The following MEIKIN variants were observed in gnomAD, a reference collection of about 807,000 sequenced individuals.
MEIKIN encodes meiosis-specific kinetochore protein.
intron 8 of MEIKIN, among the ~76,000 whole-genome samples, chr5:131,885,339 GAA>G (rs1346365385): frequency 9.4e-6 from 1 of 106,914 alleles, no homozygotes; most frequent in Non-Finnish European, 1.8e-5. Flanking sequence ...ACTCAGAACT[GAA>G]AGAGAGAGAG....
At chr5:131,888,888 T>A (rs1249866763) in intron 8 of MEIKIN, among the ~76,000 whole-genome samples, 4 of 152,214 alleles carry the variant, frequency 2.6e-5, no homozygotes, top group Non-Finnish European at 5.9e-5. Context: ...AATTTTTGTA[T>A]AAGGTGTAAG....
rs550410706 is a variant in MEIKIN at position 131,821,385 on chromosome 5, G to A, written c.976-2522C>T. ...GCTTGACATTGTTTCAATGTTTTGA[G>A]TGTTTTAAGACTCATTTTGTGACCC... On this transcript the variant is annotated intron_variant, in intron 11 of 12. Coordinates refer to ENST00000442687, the MANE Select transcript of MEIKIN (RefSeq NM_001303622.2). Among the ~76,000 whole-genome samples the A allele has an allele frequency of 1.1e-4, 16 of 152,200 alleles. No homozygotes were observed. The South Asian group carries it at 3.3e-3, about 32-fold the overall frequency.
chr5:131,912,837 T>C (rs1751351700), intron 7 of MEIKIN, among the ~76,000 whole-genome samples: 1 of 152,174 alleles, frequency 6.6e-6, no homozygotes, highest in African/African-American at 2.4e-5. Context: ...TTTTTCCTTT[T>C]CTCAGCTTGG....
intron 11 of MEIKIN, among the ~76,000 whole-genome samples, chr5:131,839,351 G>A (rs1226101606): frequency 6.6e-6 from 1 of 152,136 alleles, no homozygotes; most frequent in African/African-American, 2.4e-5. Context: ...GGAGTGTTCT[G>A]TAGATGCCTA....
At position 131,893,637 on chromosome 5, in the gene MEIKIN, G is replaced by A. The variant is rs535262609; in HGVS notation, c.704-14589C>T. Among the ~76,000 whole-genome samples, 246 of 152,298 alleles carry A rather than the reference G, an allele frequency of 1.6e-3. 1 individual carries two copies. Among genetic ancestry groups the A allele is most frequent in the African/African-American group, 4.8e-3 (201 of 41,568 alleles). On this transcript the variant is annotated intron_variant, in intron 8 of 12. Transcript: ENST00000442687. ...CAGCACTCCCCAGTGAGATGAACCC[G>A]GTACCTCAATTGGAAATGGAGAAAT...
At chr5:131,825,850 G>T (rs1390789898) in intron 11 of MEIKIN, among the ~76,000 whole-genome samples, 1 of 152,082 alleles carries the variant, frequency 6.6e-6, no homozygotes, top group Non-Finnish European at 1.5e-5. Flanking sequence ...TACATACAAG[G>T]CAATGACAAT....
At chr5:131,863,058 G>A (rs1409314156) in intron 9 of MEIKIN, among the ~76,000 whole-genome samples, 1 of 152,034 alleles carries the variant, frequency 6.6e-6, no homozygotes, top group East Asian at 1.9e-4. Flanking sequence ...TGATCATTCA[G>A]CGGCATCTTG....
intron 9 of MEIKIN, among the ~76,000 whole-genome samples, chr5:131,872,668 A>C (rs1169364904): frequency 6.6e-6 from 1 of 152,214 alleles, no homozygotes; most frequent in East Asian, 1.9e-4. Context: ...ATACTCCTCG[A>C]GAAGAGCAAC....
intron 8 of MEIKIN, among the ~76,000 whole-genome samples, chr5:131,885,228 C>T (rs540187012): frequency 6.6e-6 from 1 of 152,110 alleles, no homozygotes; most frequent in Non-Finnish European, 1.5e-5. Context: ...TTGGGTGAGA[C>T]CCAGTGCTGT....
chr5:131,828,539 AAGAT>A (rs1029022958), intron 11 of MEIKIN, among the ~76,000 whole-genome samples: 1 of 152,170 alleles, frequency 6.6e-6, no homozygotes, highest in Non-Finnish European at 1.5e-5. Context: ...TTTTTAGAAG[AAGAT>A]AGGAAGCTAA....
Position 131,945,529 on chromosome 5 carries a change from C to T in MEIKIN, c.-24G>A. 2.5e-6 allele frequency: 1 copy of T among 399,990 alleles called. No individual in the cohort carries two copies. Among genetic ancestry groups the T allele is most frequent in the Non-Finnish European group, 4.4e-6 (1 of 226,184 alleles). 24.8% of individuals were successfully genotyped at this position (399,990 alleles called of 1,614,324 possible). On this transcript the variant is annotated 5_prime_UTR_variant, in exon 1 of 13. Coordinates refer to ENST00000442687, the MANE Select transcript of MEIKIN (RefSeq NM_001303622.2). ...ATTGCTATCCCACCCTACCCCCAGG[C>T]CACGGGTGCCTCTGGACTCTCGATG... is the stretch of plus-strand genomic sequence containing the variant.
chr5:131,823,258 A>G (rs1348508407), intron 11 of MEIKIN, among the ~76,000 whole-genome samples: 2 of 152,008 alleles, frequency 1.3e-5, no homozygotes, highest in East Asian at 1.9e-4. Flanking sequence ...CTCTGTTATT[A>G]TCCCTTTAAA....
chr5:131,901,656 G>C (rs1441612290), intron 8 of MEIKIN, among the ~76,000 whole-genome samples: 1 of 152,082 alleles, frequency 6.6e-6, no homozygotes, highest in Non-Finnish European at 1.5e-5. Flanking sequence ...TCACCTCAAG[G>C]GGCCAGAGAA....
In MEIKIN at chr5:131,879,033, T is replaced by C; in HGVS notation, c.719A>G (p.Glu240Gly). The change falls in exon 9 of 13, where the codon GAG (glutamate) becomes GGG (glycine). Residue 240 changes from glutamate to glycine, a missense_variant. Physicochemically the swap from Glu to Gly is moderately conservative, Grantham distance 98. Coordinates refer to ENST00000442687, the MANE Select transcript of MEIKIN (RefSeq NM_001303622.2). ...SNSESDNAAC[E>G]ILLAEKTCPS... ...GCAAGTTTTCTCAGCAAGTAAAATCTCACAAGCTGCATTATCTATAAATAA... is the reference window on the plus strand; with the variant it reads ...GCAAGTTTTCTCAGCAAGTAAAATCCCACAAGCTGCATTATCTATAAATAA... 1 of 398,672 alleles carries C rather than the reference T, an allele frequency of 2.5e-6. No individual in the cohort carries two copies. Among genetic ancestry groups the C allele is most frequent in the Non-Finnish European group, 4.4e-6 (1 of 225,872 alleles). The allele number at this position is 398,672 out of a possible 1,614,324, so 24.7% of individuals were successfully genotyped here.
At chr5:131,929,052 G>A (rs1040349795) in intron 5 of MEIKIN, among the ~76,000 whole-genome samples, 3 of 152,076 alleles carry the variant, frequency 2.0e-5, no homozygotes, top group Admixed American at 1.3e-4. Flanking sequence ...CTCCATTTTT[G>A]AAAGACAGTT....
At chr5:131,840,337 C>T (rs1749882838) in intron 11 of MEIKIN, among the ~76,000 whole-genome samples, 4 of 152,076 alleles carry the variant, frequency 2.6e-5, no homozygotes, top group African/African-American at 9.7e-5. Flanking sequence ...GATTATGTAT[C>T]TTAGGGATAT....
intron 8 of MEIKIN, among the ~76,000 whole-genome samples, chr5:131,889,461 C>T (rs1242768160): frequency 2.0e-5 from 3 of 152,140 alleles, no homozygotes; most frequent in African/African-American, 7.2e-5. Flanking sequence ...GTATTTTATT[C>T]TCTTTGAAGC....
At chr5:131,927,438 C>T (rs567216782) in intron 5 of MEIKIN, among the ~76,000 whole-genome samples, 1 of 152,140 alleles carries the variant, frequency 6.6e-6, no homozygotes, top group Non-Finnish European at 1.5e-5. Context: ...ATATATTCTG[C>T]CACTGTCAGG....
In MEIKIN at chr5:131,827,360, A is replaced by C. The variant is rs561677969; in HGVS notation, c.976-8497T>G. Among the ~76,000 whole-genome samples, 13 of 152,322 alleles carry C rather than the reference A, an allele frequency of 8.5e-5. No individual in the cohort carries two copies. In the South Asian group the frequency reaches 1.0e-3, roughly 12 times the overall value. The stretch of plus-strand genomic sequence containing the variant: ...ATACAAAAAAAACTGGATGAAAGGA[A>C]ATAATAATTATGATCACAGAAATAA... On this transcript the variant is annotated intron_variant, in intron 11 of 12. Transcript: ENST00000442687.
Sources: allele counts gnomAD v4.1 joint callset (sites outside exome capture counted in the v4.1 genomes callset), GRCh38; gene constraint gnomAD v4.1.1; transcripts MANE v1.5; gene names NCBI Gene and HGNC (gene_info 2026-07-23, HGNC 2026-07-21).